HIP1: variants seen among roughly 807,000 people sequenced by gnomAD.
HIP1 encodes the protein huntingtin interacting protein 1.
HIP1 carries 65 observed loss-of-function variants against 147.6 expected under a neutral mutation model. The ratio of observed to expected loss-of-function variants is 0.44; its 90% CI spans 0.36 to 0.54. The LOEUF is 0.54. Among genes scored for constraint, HIP1 ranks in the 20% least tolerant of loss-of-function variants. The pLI, the probability that HIP1 is intolerant of heterozygous loss-of-function variation, is 0.00. For synonymous variants in HIP1, 479 were observed against 504.0 expected (o/e 0.95, Z 0.67); for missense variants, 1,061 against 1,299.6 (o/e 0.82, Z 2.82).
In HIP1 at chr7:75,563,056, C is replaced by T. The variant is rs781827389; in HGVS notation, c.899G>A (p.Arg300Gln). Residue 300 changes from arginine to glutamine, a missense_variant, in exon 11 of 31, where the codon CGA becomes CAA. This residue lies in a region of HIP1 where 810 missense variants were observed against 946.8 expected (regional missense o/e 0.86). Transcript: ENST00000336926. ...QLPENPPNFL[R>Q]ASALSEHISP... ...GATATGTTCTGACAGGGCTGAGGCT[C>T]GCAGGAAGTTGGGTGGGTTCTGAAG... The T allele has an allele frequency of 3.8e-5, 61 of 1,614,038 alleles. No homozygotes were observed. The highest frequency in any genetic ancestry group is 5.3e-5 in the African/African-American group (4 of 74,906).
chr7:75,725,730 T>C (rs782138720), intron 1 of HIP1, among the ~76,000 whole-genome samples: 5 of 152,188 alleles, frequency 3.3e-5, no homozygotes, highest in Admixed American at 6.6e-5. Context: ...ATCCATCTAC[T>C]GTTCACGGGC....
chr7:75,556,700 A>T lies in HIP1; in HGVS notation c.1683+10T>A, dbSNP rs1554493409. Reference sequence around the variant, plus strand: ...GACTCTATCTCCAAAAAAAAAAAGGAGGTATTTACCTGGGCAGAAGTTTCC... The same window carrying T: ...GACTCTATCTCCAAAAAAAAAAAGGTGGTATTTACCTGGGCAGAAGTTTCC... On this transcript the variant is annotated intron_variant, in intron 17 of 30. Transcript: ENST00000336926. The T allele has an allele frequency of 4.0e-6, 6 of 1,511,074 alleles. No individual in the cohort carries two copies. The South Asian group carries it at 4.8e-5, about 12-fold the overall frequency. 93.6% of individuals were successfully genotyped at this position (1,511,074 alleles called of 1,614,324 possible). A position where few individuals can be genotyped will look rare whatever the true frequency, so the allele number is the denominator to read the frequency against.
chr7:75,616,400 G>A (rs1042581164), intron 1 of HIP1, among the ~76,000 whole-genome samples: 20 of 151,986 alleles, frequency 1.3e-4, no homozygotes, highest in Non-Finnish European at 2.2e-4. Flanking sequence ...CTCCCAAGTA[G>A]GTGGGCCTAC....
At chr7:75,564,521 C>T (rs1584803644) in intron 9 of HIP1, among the ~76,000 whole-genome samples, 1 of 151,934 alleles carries the variant, frequency 6.6e-6, no homozygotes, top group Non-Finnish European at 1.5e-5. Context: ...TTCGAACTCC[C>T]GACCTCAGGT....
rs148841009 is a variant in HIP1, at chr7:75,554,160, G to A, written c.2111C>T (p.Ala704Val). The A allele has an allele frequency of 4.5e-5, 72 of 1,614,104 alleles. No individual in the cohort carries two copies. The South Asian group carries it at 4.5e-4, about 10-fold the overall frequency. Residue 704 changes from alanine (A) to valine (V), a missense_variant, in exon 21 of 31, where the codon GCT becomes GTT. Around this residue, in one of 3 missense-constraint regions of HIP1, gnomAD observed 810 missense variants for 946.8 expected, o/e 0.86. Coordinates refer to ENST00000336926, the MANE Select transcript of HIP1 (RefSeq NM_005338.7). Reference sequence around the variant, plus strand: ...TCTGAGGCAGGTGGTGGCACCATGAGCAATGGCGTCGCTGGTCAAGTGGGC... The same window carrying A: ...TCTGAGGCAGGTGGTGGCACCATGAACAATGGCGTCGCTGGTCAAGTGGGC... ...LLAHLTSDAI[A>V]HGATTCLRAP...
chr7:75,581,995 G>T, intron 6 of HIP1, 80 bp downstream of exon 6: 3 of 1,183,960 alleles, frequency 2.5e-6, no homozygotes, highest in Admixed American at 4.1e-5. Context: ...CCCCCATCAG[G>T]CCCTCCATGA....
chr7:75,669,870 C>T (rs1471556825), intron 1 of HIP1, among the ~76,000 whole-genome samples: 1 of 152,126 alleles, frequency 6.6e-6, no homozygotes, highest in Admixed American at 6.6e-5. Context: ...GGCACGATCT[C>T]GGCTCACTGC....
At position 75,555,400 on chromosome 7, in the gene HIP1, G is replaced by C; in HGVS notation, c.1963+16C>G. The C allele has an allele frequency of 6.2e-7, 1 of 1,612,998 alleles. No homozygotes were observed. The highest frequency in any genetic ancestry group is 8.5e-7 in the Non-Finnish European group (1 of 1,179,964). ...TAAGGACCTGGCCCCTGCCAGCTGG[G>C]CAATTGCAAGTGTACCTGCAGACCC... On this transcript the variant is annotated intron_variant, in intron 19 of 30. Coordinates refer to ENST00000336926, the MANE Select transcript of HIP1 (RefSeq NM_005338.7).
chr7:75,614,846 G>A (rs587700248), intron 1 of HIP1, among the ~76,000 whole-genome samples: 6 of 151,992 alleles, frequency 3.9e-5, no homozygotes, highest in African/African-American at 7.2e-5. Context: ...CGATCTCGGC[G>A]CATTGCAACC....
Position 75,582,097 on chromosome 7 carries a change from C to T in HIP1, c.520G>A (p.Gly174Arg), listed in dbSNP as rs781989848. The T allele has an allele frequency of 1.9e-6, 3 of 1,613,976 alleles. No homozygotes were observed. Among genetic ancestry groups the T allele is most frequent in the Non-Finnish European group, 2.5e-6 (3 of 1,179,922 alleles). ...TACAAGTTGTTCACGTCACTTTCTC[C>T]AGCCTCGTCCAGCTGGCGGTCACTC... ...QMSDRQLDEAGESDVNNFFQL... is the reference protein window; with the variant it reads ...QMSDRQLDEARESDVNNFFQL... Residue 174 changes from glycine to arginine, a missense_variant, in exon 6 of 31, where the codon GGA becomes AGA. Gly to Arg is a moderately radical substitution (Grantham distance 125, BLOSUM62 -2). This residue lies in a region of HIP1 where 225 missense variants were observed against 292.9 expected (regional missense o/e 0.77). Transcript: ENST00000336926.
At chr7:75,664,335 T>TAC (rs1554514258) in intron 1 of HIP1, among the ~76,000 whole-genome samples, 1 of 145,540 alleles carries the variant, frequency 6.9e-6, no homozygotes, top group African/African-American at 2.5e-5. Context: ...CATGCATATA[T>TAC]ATGTGTGTAT....
rs147042387 is a variant in HIP1 at position 75,677,276 on chromosome 7, A to T, written c.120+61525T>A. On this transcript the variant is annotated intron_variant, in intron 1 of 30. Coordinates refer to ENST00000336926, the MANE Select transcript of HIP1 (RefSeq NM_005338.7). Reference sequence around the variant, plus strand: ...GCAACAAATGTCCCTTGAGAGAGGCATTTAGCACTGGGAGAGTTTAAGTAA... The same window carrying T: ...GCAACAAATGTCCCTTGAGAGAGGCTTTTAGCACTGGGAGAGTTTAAGTAA... 2.2e-3 allele frequency among the ~76,000 whole-genome samples: 342 copies of T among 152,012 alleles called. 1 individual carries two copies. Among genetic ancestry groups the T allele is most frequent in the African/African-American group, 6.3e-3 (262 of 41,490 alleles).
chr7:75,552,714 C>T (rs2089634374), intron 22 of HIP1, among the ~76,000 whole-genome samples: 2 of 151,952 alleles, frequency 1.3e-5, no homozygotes, highest in Non-Finnish European at 2.9e-5. Flanking sequence ...TATTACCTGC[C>T]CACCTAGATA....
At chr7:75,603,587 G>A (rs1384363746) in intron 1 of HIP1, among the ~76,000 whole-genome samples, 1 of 152,096 alleles carries the variant, frequency 6.6e-6, no homozygotes. Flanking sequence ...GCTCTGCAGG[G>A]TGAGCGTAAG....
intron 1 of HIP1, among the ~76,000 whole-genome samples, chr7:75,719,500 T>C (rs1377674163): frequency 7.1e-6 from 1 of 141,134 alleles, no homozygotes. Context: ...CGAGACTCCA[T>C]CTCAAAAAAA....
intron 1 of HIP1, among the ~76,000 whole-genome samples, chr7:75,724,038 C>T (rs1225637581): frequency 6.6e-6 from 1 of 152,076 alleles, no homozygotes; most frequent in Non-Finnish European, 1.5e-5. Flanking sequence ...CTCACTGCAA[C>T]CTCCGCCCCC....
Position 75,581,207 on chromosome 7 carries a change from C to A in HIP1, c.604+30G>T, listed in dbSNP as rs782616967. The A allele has an allele frequency of 3.8e-6, 6 of 1,565,758 alleles. No individual in the cohort carries two copies. In the African/African-American group the frequency reaches 6.8e-5, roughly 18 times the overall value. On this transcript the variant is annotated intron_variant, in intron 7 of 30. Transcript: ENST00000336926. ...AGGAATTAGGTAGTTCCCATGAGAG[C>A]CTGGGTTAGACGGGAGGGAAGAGAC...
At chr7:75,574,368 C>T (rs1554497279) in intron 7 of HIP1, among the ~76,000 whole-genome samples, 3 of 150,874 alleles carry the variant, frequency 2.0e-5, no homozygotes, top group East Asian at 2.0e-4. Flanking sequence ...GCGGGTGGAT[C>T]GCCTGAGGTC....
At chr7:75,538,549 T>C (rs998971479) in intron 30 of HIP1, among the ~76,000 whole-genome samples, 7 of 145,228 alleles carry the variant, frequency 4.8e-5, no homozygotes, top group Non-Finnish European at 1.1e-4. Context: ...TGCCACTCCA[T>C]TTCTCAGCAC....
Sources: allele counts gnomAD v4.1 joint callset (sites outside exome capture counted in the v4.1 genomes callset), GRCh38; gene constraint gnomAD v4.1.1; regional missense constraint gnomAD v4.1.1; transcripts MANE v1.5; gene names NCBI Gene and HGNC (gene_info 2026-07-23, HGNC 2026-07-21).